KCNK1: variants seen among roughly 807,000 people sequenced by gnomAD.
KCNK1 encodes potassium two pore domain channel subfamily K member 1.
Under a neutral mutation model 22.2 loss-of-function variants are expected in KCNK1, and 10 were observed. The ratio of observed to expected loss-of-function variants is 0.45; its 90% CI spans 0.28 to 0.76. The LOEUF (loss-of-function observed/expected upper bound fraction) is 0.76. Among genes scored for constraint, KCNK1 ranks in the 30% least tolerant of loss-of-function variants. The probability of loss-of-function intolerance (pLI) is 0.14; values close to 1 mark genes in which losing one functional copy is unlikely to be tolerated. For missense variants in KCNK1, 378 were observed against 421.0 expected (o/e 0.90, Z 0.89); for synonymous variants, 200 against 186.4 (o/e 1.07, Z -0.60).
chr1:233,648,368 T>C (rs1462612140), intron 1 of KCNK1, among the ~76,000 whole-genome samples: 1 of 152,176 alleles, frequency 6.6e-6, no homozygotes, highest in East Asian at 1.9e-4. Flanking sequence ...ACACAGTGCA[T>C]ACACAAGCCA....
chr1:233,667,666 C>A (rs965529218), intron 2 of KCNK1, among the ~76,000 whole-genome samples: 2 of 133,378 alleles, frequency 1.5e-5, no homozygotes, highest in Non-Finnish European at 3.1e-5. Context: ...GGAGGCGGAG[C>A]TTGCAGTGAG....
intron 1 of KCNK1, among the ~76,000 whole-genome samples, chr1:233,639,319 G>A (rs1657964792): frequency 1.3e-5 from 2 of 152,192 alleles, no homozygotes; most frequent in Admixed American, 1.3e-4. Context: ...CAAGAACATG[G>A]ATCTAGTCCT....
rs186200020 is a variant in KCNK1 at position 233,663,072 on chromosome 1, G to A, written c.356-3523G>A. ...AAATTCAATAGGACTGAAAGTTTCC[G>A]TCAGATGCATTAAGCCGTCTACTGC... On this transcript the variant is annotated intron_variant, in intron 1 of 2. Coordinates refer to ENST00000366621, the MANE Select transcript of KCNK1 (RefSeq NM_002245.4). Among the ~76,000 whole-genome samples, 136 of 152,282 alleles carry A rather than the reference G, an allele frequency of 8.9e-4. 1 individual carries two copies. The highest frequency in any genetic ancestry group is 1.4e-3 in the Admixed American group (22 of 15,290).
chr1:233,624,380 C>T (rs188857435), intron 1 of KCNK1, among the ~76,000 whole-genome samples: 109 of 152,226 alleles, frequency 7.2e-4, no homozygotes, highest in African/African-American at 2.4e-3. Context: ...CATTTCTTCC[C>T]GCTCTTTCTC....
At chr1:233,618,388 T>C (rs1015703847) in intron 1 of KCNK1, among the ~76,000 whole-genome samples, 4 of 151,894 alleles carry the variant, frequency 2.6e-5, no homozygotes, top group Admixed American at 2.6e-4. Flanking sequence ...TACTGTGTTT[T>C]TTTTTTTTCC....
chr1:233,632,185 ACTCT>A, intron 1 of KCNK1, among the ~76,000 whole-genome samples: 1 of 152,122 alleles, frequency 6.6e-6, no homozygotes, highest in South Asian at 2.1e-4. Context: ...AGCTCAGGGA[ACTCT>A]CTCATTTTAT....
intron 1 of KCNK1, among the ~76,000 whole-genome samples, chr1:233,628,594 C>T (rs1198763694): frequency 1.3e-5 from 2 of 152,022 alleles, no homozygotes; most frequent in Non-Finnish European, 2.9e-5. Context: ...ACCCTCATCT[C>T]TACTAAAATT....
intron 1 of KCNK1, among the ~76,000 whole-genome samples, chr1:233,643,018 G>T (rs1315905842): frequency 6.6e-6 from 1 of 151,266 alleles, no homozygotes; most frequent in Admixed American, 6.6e-5. Flanking sequence ...TTGACCTCAG[G>T]TGATCCACCT....
chr1:233,615,333 C>T (rs1232472551), intron 1 of KCNK1, among the ~76,000 whole-genome samples: 1 of 152,228 alleles, frequency 6.6e-6, no homozygotes, highest in Non-Finnish European at 1.5e-5. Context: ...GACTCACCCG[C>T]GGGGCGCCCG....
intron 2 of KCNK1, among the ~76,000 whole-genome samples, 190 bp downstream of exon 2, chr1:233,667,180 T>G (rs796622761): frequency 3.3e-5 from 5 of 152,220 alleles, no homozygotes; most frequent in African/African-American, 1.2e-4. Flanking sequence ...GTAGCTGGGC[T>G]TACAGGCTTC....
chr1:233,663,572 A>T (rs903878974), intron 1 of KCNK1, among the ~76,000 whole-genome samples: 4 of 152,222 alleles, frequency 2.6e-5, no homozygotes, highest in African/African-American at 9.6e-5. Flanking sequence ...TGTGTGTTAC[A>T]GTTTTAGTAA....
At chr1:233,644,669 AAACCAGGGG>A (rs57497680) in intron 1 of KCNK1, among the ~76,000 whole-genome samples, 17,088 of 151,982 alleles carry the variant, frequency 0.11, 1,986 homozygotes, top group African/African-American at 0.28. Context: ...AGAAGGCATC[AAACCAGGGG>A]AACAGTGAGT....
chr1:233,633,410 A>T (rs947301372), intron 1 of KCNK1, among the ~76,000 whole-genome samples: 3 of 152,262 alleles, frequency 2.0e-5, no homozygotes, highest in Non-Finnish European at 4.4e-5. Context: ...TCCTTGGGAA[A>T]TGATGATAGC....
At chr1:233,661,415 T>C (rs1441559787) in intron 1 of KCNK1, among the ~76,000 whole-genome samples, 14 of 152,216 alleles carry the variant, frequency 9.2e-5, no homozygotes, top group Admixed American at 8.5e-4. Flanking sequence ...TCTTTGCTTG[T>C]TAGCAAGAAA....
Position 233,614,307 on chromosome 1 carries a change from C to G in KCNK1, c.136C>G (p.Leu46Val). The stretch of plus-strand genomic sequence containing the variant: ...CGCAGTGGTCTTCTCCTCGGTGGAG[C>G]TGCCCTATGAGGACCTGCTGCGCCA... ...FGAVVFSSVE[L>V]PYEDLLRQEL... Residue 46 changes from leucine to valine, a missense_variant, in exon 1 of 3, where the codon CTG (leucine) becomes GTG (valine). By Grantham distance (32) the Leu-to-Val change is conservative. Coordinates refer to ENST00000366621, the MANE Select transcript of KCNK1 (RefSeq NM_002245.4). The G allele has an allele frequency of 6.2e-7, 1 of 1,612,778 alleles. No individual in the cohort carries two copies. The highest frequency in any genetic ancestry group is 8.5e-7 in the Non-Finnish European group (1 of 1,179,598).
At chr1:233,653,092 C>T (rs1305892063) in intron 1 of KCNK1, among the ~76,000 whole-genome samples, 2 of 152,210 alleles carry the variant, frequency 1.3e-5, no homozygotes, top group African/African-American at 4.8e-5. Context: ...ACCCCAGAGC[C>T]TGGTACCAGA....
At chr1:233,641,135 C>T (rs1657992555) in intron 1 of KCNK1, among the ~76,000 whole-genome samples, 1 of 152,162 alleles carries the variant, frequency 6.6e-6, no homozygotes, top group Non-Finnish European at 1.5e-5. Flanking sequence ...CACAAACAAG[C>T]CGGAAGACTT....
chr1:233,666,739 A>G lies in KCNK1; in HGVS notation c.500A>G (p.Tyr167Cys), dbSNP rs1658496543. ...CACGTCACCCGCAGGCCGGTCCTCT[A>G]CTTCCACATCCGCTGGGGCTTCTCC... is the stretch of plus-strand genomic sequence containing the variant. Reference protein sequence around the residue: ...TVHVTRRPVLYFHIRWGFSKQ... With the variant: ...TVHVTRRPVLCFHIRWGFSKQ... Residue 167 changes from tyrosine (Y) to cysteine (C), a missense_variant, in exon 2 of 3, where the codon TAC (tyrosine) becomes TGC (cysteine). By Grantham distance (194) the Tyr-to-Cys change is radical (BLOSUM62 -2). Transcript: ENST00000366621. 1 of 1,614,012 alleles carries G rather than the reference A, an allele frequency of 6.2e-7. No individual in the cohort carries two copies. Among genetic ancestry groups the G allele is most frequent in the Non-Finnish European group, 8.5e-7 (1 of 1,180,018 alleles).
intron 2 of KCNK1, among the ~76,000 whole-genome samples, chr1:233,667,356 C>A (rs1262188480): frequency 6.6e-6 from 1 of 152,210 alleles, no homozygotes; most frequent in Non-Finnish European, 1.5e-5. Flanking sequence ...AATCTTATTA[C>A]TGAGATATTT....
Sources: gnomAD v4.1 joint callset for allele counts (sites outside exome capture counted in the v4.1 genomes callset) on GRCh38, gnomAD v4.1.1 for gene constraint, MANE v1.5 for transcripts, NCBI Gene and HGNC (gene_info 2026-07-23, HGNC 2026-07-21) for gene names.